RFX1: variants seen among roughly 807,000 people sequenced by gnomAD.
The protein encoded by RFX1 is MHC class II regulatory factor RFX1.
A neutral mutation model predicts 119.6 loss-of-function variants in RFX1; 42 were observed. The observed-to-expected ratio is 0.35, with a 90% CI of 0.27 to 0.45. The LOEUF is 0.45. Among genes scored for constraint, RFX1 ranks in the 20% least tolerant of loss-of-function variants. The probability of loss-of-function intolerance (pLI) is 1.00; values close to 1 mark genes in which losing one functional copy is unlikely to be tolerated. For synonymous variants in RFX1, 628 were observed against 618.5 expected (o/e 1.02, Z -0.23); for missense variants, 1,118 against 1,368.1 (o/e 0.82, Z 2.88).
chr19:14,000,591 G>A (rs1050580873), intron 1 of RFX1, among the ~76,000 whole-genome samples: 1 of 152,166 alleles, frequency 6.6e-6, no homozygotes. Context: ...GAGCCCAGGA[G>A]TTCAAGACCA....
intron 4 of RFX1, 53 bp downstream of exon 4, chr19:13,983,134 T>C: frequency 7.3e-7 from 1 of 1,366,716 alleles, no homozygotes; most frequent in Non-Finnish European, 1.0e-6. Context: ...AGGGGGTTGG[T>C]CCTCCACCCT....
intron 7 of RFX1, 139 bp from the exon 8 acceptor site, chr19:13,978,225 A>AAC: frequency 1.7e-6 from 1 of 586,298 alleles, no homozygotes; most frequent in East Asian, 2.9e-5. Flanking sequence ...CTCTCAACAA[A>AAC]ACACCCTGGA....
At chr19:13,991,808 C>T (rs921226011) in intron 2 of RFX1, among the ~76,000 whole-genome samples, 16 of 152,134 alleles carry the variant, frequency 1.1e-4, no homozygotes, top group East Asian at 1.9e-4. Context: ...ATTACAGGTT[C>T]GCGCCACCAC....
At chr19:14,000,959 G>A (rs1014023803) in intron 1 of RFX1, among the ~76,000 whole-genome samples, 4 of 151,856 alleles carry the variant, frequency 2.6e-5, no homozygotes, top group Non-Finnish European at 4.4e-5. Flanking sequence ...TTAGGTGGGC[G>A]TGATGGCGTG....
rs897139963 is a variant in RFX1 at position 13,962,652 on chromosome 19, G to A, written c.*43C>T. 2.8e-6 allele frequency: 4 copies of A among 1,449,730 alleles called. No homozygotes were observed. Among genetic ancestry groups the A allele is most frequent in the Non-Finnish European group, 3.7e-6 (4 of 1,093,610 alleles). The allele number at this position is 1,449,730 out of a possible 1,614,324, so 89.8% of individuals were successfully genotyped here. A position where few individuals can be genotyped will look rare whatever the true frequency, so the allele number is the denominator to read the frequency against. ...CACAGAAGCTTTGAGGGACCCTGGC[G>A]TGGAGGGGTGGCGGGGGCGGGTGGG... On this transcript the variant is annotated 3_prime_UTR_variant, in exon 21 of 21. Transcript: ENST00000254325.
At position 13,962,637 on chromosome 19, in the gene RFX1, T is replaced by C. The variant is rs1973731127; in HGVS notation, c.*58A>G. The C allele has an allele frequency of 4.1e-6, 5 of 1,209,068 alleles. No individual in the cohort carries two copies. The highest frequency in any genetic ancestry group is 1.5e-5 in the South Asian group (1 of 65,110). The allele number at this position is 1,209,068 out of a possible 1,614,324, so 74.9% of individuals were successfully genotyped here. On this transcript the variant is annotated 3_prime_UTR_variant, in exon 21 of 21. Transcript: ENST00000254325. ...CAGTGACCACGAAGCCACAGAAGCT[T>C]TGAGGGACCCTGGCGTGGAGGGGTG...
intron 2 of RFX1, among the ~76,000 whole-genome samples, chr19:13,989,864 G>C (rs975990323): frequency 1.2e-4 from 2 of 16,328 alleles, no homozygotes; most frequent in Non-Finnish European, 2.1e-4. Flanking sequence ...GGAAGAGGCG[G>C]GGGGGGTTCT....
Position 13,962,559 on chromosome 19 carries a change from C to T in RFX1, c.*136G>A, listed in dbSNP as rs1973725993. On this transcript the variant is annotated 3_prime_UTR_variant, in exon 21 of 21. Transcript: ENST00000254325. ...GTGCCGGCCCCATAAGGGAGGAGGGCCCCGGTCTTCCCTGTCTCGGAGTCC... is the reference window on the plus strand; with the variant it reads ...GTGCCGGCCCCATAAGGGAGGAGGGTCCCGGTCTTCCCTGTCTCGGAGTCC... 2 of 697,660 alleles carry T rather than the reference C, an allele frequency of 2.9e-6. No individual in the cohort carries two copies. Among genetic ancestry groups the T allele is most frequent in the Admixed American group, 3.3e-5 (1 of 29,964 alleles). The allele number at this position is 697,660 out of a possible 1,614,324, so 43.2% of individuals were successfully genotyped here. A position where few individuals can be genotyped will look rare whatever the true frequency, so the allele number is the denominator to read the frequency against.
intron 1 of RFX1, among the ~76,000 whole-genome samples, chr19:14,002,442 G>A (rs746868484): frequency 2.0e-5 from 3 of 151,878 alleles, no homozygotes; most frequent in African/African-American, 7.3e-5. Flanking sequence ...CTGAGATCAC[G>A]CCACTGCACT....
At chr19:14,001,885 C>T (rs1474659393) in intron 1 of RFX1, among the ~76,000 whole-genome samples, 1 of 152,214 alleles carries the variant, frequency 6.6e-6, no homozygotes, top group Non-Finnish European at 1.5e-5. Flanking sequence ...CCTATAGTTC[C>T]AGCACTTTGG....
chr19:13,970,470 G>A (rs1382942930), intron 9 of RFX1, among the ~76,000 whole-genome samples: 2 of 151,464 alleles, frequency 1.3e-5, no homozygotes, highest in Non-Finnish European at 2.9e-5. Flanking sequence ...AGCCCAGGCT[G>A]GGCAACATAG....
At chr19:13,964,041 A>G in intron 16 of RFX1, 34 bp from the exon 17 acceptor site, 1 of 1,522,200 alleles carries the variant, frequency 6.6e-7, no homozygotes, top group Non-Finnish European at 8.8e-7. Context: ...TGCTGCTTCC[A>G]AGGAACCCCA....
Position 13,962,504 on chromosome 19 carries a change from G to A in RFX1, c.*191C>T. ...AGGCACGTCTTTTGTGTCAGAGTTT[G>A]CAGCTGCGGCTCCGCCCAGCCCACT... is the stretch of plus-strand genomic sequence containing the variant. On this transcript the variant is annotated 3_prime_UTR_variant, in exon 21 of 21. Coordinates refer to ENST00000254325, the MANE Select transcript of RFX1 (RefSeq NM_002918.5). The A allele has an allele frequency of 1.8e-6, 1 of 555,848 alleles. No individual in the cohort carries two copies. Among genetic ancestry groups the A allele is most frequent in the South Asian group, 2.2e-5 (1 of 45,088 alleles). The allele number at this position is 555,848 out of a possible 1,614,324, so 34.4% of individuals were successfully genotyped here. A position where few individuals can be genotyped will look rare whatever the true frequency, so the allele number is the denominator to read the frequency against.
chr19:13,977,564 C>T (rs528913220), intron 8 of RFX1, among the ~76,000 whole-genome samples: 39 of 152,056 alleles, frequency 2.6e-4, no homozygotes, highest in African/African-American at 9.4e-4. Flanking sequence ...TTACAGGTGC[C>T]TGCCACCACT....
rs191756584 is a variant in RFX1 at position 13,990,921 on chromosome 19, G to A, written c.319+2604C>T. On this transcript the variant is annotated intron_variant, in intron 2 of 20. Coordinates refer to ENST00000254325, the MANE Select transcript of RFX1 (RefSeq NM_002918.5). The surrounding 1 kb of genome is among the most constrained non-coding windows in gnomAD (Gnocchi z 4.1). ...CTGAGCCCAGGAGTTGGAGGTTACA[G>A]TGAGCCATGATTGCACCATTGCACT... Among the ~76,000 whole-genome samples the A allele has an allele frequency of 2.6e-5, 4 of 152,256 alleles. No homozygotes were observed. The highest frequency in any genetic ancestry group is 9.6e-5 in the African/African-American group (4 of 41,544).
At position 13,980,718 on chromosome 19, in the gene RFX1, G is replaced by GTTGGGGTGGGCTTGCATCCTCT; in HGVS notation, c.622-30_622-29insAGAGGATGCAAGCCCACCCCAA. 1 of 646,418 alleles carries GTTGGGGTGGGCTTGCATCCTCT rather than the reference G, an allele frequency of 1.5e-6. No homozygotes were observed. Among genetic ancestry groups the GTTGGGGTGGGCTTGCATCCTCT allele is most frequent in the Middle Eastern group, 4.7e-4 (1 of 2,108 alleles). 40.0% of individuals were successfully genotyped at this position (646,418 alleles called of 1,614,324 possible). A position where few individuals can be genotyped will look rare whatever the true frequency, so the allele number is the denominator to read the frequency against. ...TAAGGGAAGGAGACACAGGAGTGCC[G>GTTGGGGTGGGCTTGCATCCTCT]CTGGGGTGGGCTTGCATCCTCTCTG... On this transcript the variant is annotated intron_variant, in intron 5 of 20. Coordinates refer to ENST00000254325, the MANE Select transcript of RFX1 (RefSeq NM_002918.5). The surrounding 1 kb of genome is among the most constrained non-coding windows in gnomAD (Gnocchi z 5.1).
At chr19:13,987,348 C>A (rs1974635421) in intron 2 of RFX1, among the ~76,000 whole-genome samples, 2 of 152,148 alleles carry the variant, frequency 1.3e-5, no homozygotes, top group Non-Finnish European at 2.9e-5. Flanking sequence ...TTAGGCAGGG[C>A]AGGCAGGGAC....
At chr19:13,987,082 G>GC (rs917481732) in intron 2 of RFX1, among the ~76,000 whole-genome samples, 2 of 152,138 alleles carry the variant, frequency 1.3e-5, no homozygotes, top group Admixed American at 6.5e-5. Flanking sequence ...AGTCTTCTTG[G>GC]CCCCCCTAGA....
At position 13,982,212 on chromosome 19, in the gene RFX1, C is replaced by G. The variant is rs116768203; in HGVS notation, c.530G>C (p.Arg177Pro). ...TGGGGCTGCGCTCTGCACCACCAGA[C>G]GCTGCGTGGGAAGAGCCTGGGGCCA... The part of the protein sequence containing the change: ...QVPQQALPTQ[R>P]LVVQSAAPGS... The change falls in exon 5 of 21, where the codon CGT (arginine) becomes CCT (proline). Residue 177 changes from arginine to proline, a missense_variant. Physicochemically the swap from Arg to Pro is moderately radical, Grantham distance 103. Coordinates refer to ENST00000254325, the MANE Select transcript of RFX1 (RefSeq NM_002918.5). 1.5e-6 allele frequency: 2 copies of G among 1,307,854 alleles called. No homozygotes were observed. Among genetic ancestry groups the G allele is most frequent in the Non-Finnish European group, 2.0e-6 (2 of 1,021,002 alleles). The allele number at this position is 1,307,854 out of a possible 1,614,324, so 81.0% of individuals were successfully genotyped here. A position where few individuals can be genotyped will look rare whatever the true frequency, so the allele number is the denominator to read the frequency against.
Sources: allele counts gnomAD v4.1 joint callset (sites outside exome capture counted in the v4.1 genomes callset), GRCh38; gene constraint gnomAD v4.1.1; non-coding constraint Gnocchi (gnomAD v3.1); transcripts MANE v1.5; gene names NCBI Gene and HGNC (gene_info 2026-07-23, HGNC 2026-07-21).